The following WASF3 variants were observed in gnomAD, a reference collection of about 807,000 sequenced individuals.
WASF3 encodes actin-binding protein WASF3.
In WASF3, 11 loss-of-function variants were observed where a neutral mutation model predicts 46.6. The ratio of observed to expected loss-of-function variants is 0.24; its 90% CI spans 0.15 to 0.39. The LOEUF (loss-of-function observed/expected upper bound fraction) is 0.39, where lower values mean the gene tolerates loss of function less well. WASF3 is among the 10% of genes least tolerant of loss of function. The pLI is 1.00. For synonymous variants in WASF3, 242 were observed against 259.7 expected (o/e 0.93, Z 0.65); for missense variants, 576 against 669.8 (o/e 0.86, Z 1.55).
chr13:26,627,567 G>A (rs1349249985), intron 2 of WASF3, among the ~76,000 whole-genome samples: 1 of 152,056 alleles, frequency 6.6e-6, no homozygotes, highest in Non-Finnish European at 1.5e-5. Context: ...GGGGTGGGCT[G>A]GGGGGACGTG....
intron 7 of WASF3, among the ~76,000 whole-genome samples, chr13:26,678,296 TATAAA>T (rs1388212363): frequency 6.6e-6 from 1 of 152,166 alleles, no homozygotes; most frequent in Non-Finnish European, 1.5e-5. Context: ...ACTTTTTTAT[TATAAA>T]ATAAGACATG....
chr13:26,557,671 G>A (rs1354145774), upstream of WASF3: 2 of 160,786 alleles, frequency 1.2e-5, no homozygotes, highest in Non-Finnish European at 2.7e-5. Context: ...GGGAGGGGGC[G>A]TGGCCGCGGC....
At chr13:26,654,624 C>G (rs1882414323) in intron 3 of WASF3, among the ~76,000 whole-genome samples, 1 of 152,146 alleles carries the variant, frequency 6.6e-6, no homozygotes, top group Admixed American at 6.5e-5. Flanking sequence ...TGTCTGTTAT[C>G]TAAGTTCTTA....
At chr13:26,550,278 AAAT>A in the WASF3 span, among the ~76,000 whole-genome samples, 1 of 152,196 alleles carries the variant, frequency 6.6e-6, no homozygotes, top group Non-Finnish European at 1.5e-5. Flanking sequence ...CTGTTTGTTC[AAAT>A]AAGTGCAGTG....
intron 1 of WASF3, among the ~76,000 whole-genome samples, chr13:26,582,312 T>C (rs571043273): frequency 6.6e-6 from 1 of 152,178 alleles, no homozygotes; most frequent in South Asian, 2.1e-4. Context: ...AAATCTTGAC[T>C]CTGTTGTTTA....
intron 6 of WASF3, among the ~76,000 whole-genome samples, chr13:26,675,326 GC>G (rs1883031525): frequency 6.6e-6 from 1 of 151,872 alleles, no homozygotes. Flanking sequence ...TGAGTGCAGT[GC>G]TATCCTCCTC....
At chr13:26,657,076 G>C (rs975189794) in intron 3 of WASF3, among the ~76,000 whole-genome samples, 1 of 152,082 alleles carries the variant, frequency 6.6e-6, no homozygotes, top group Non-Finnish European at 1.5e-5. Flanking sequence ...GTTGAATTAC[G>C]ACCAGAAGGG....
At chr13:26,603,075 G>A (rs1017376266) in intron 1 of WASF3, among the ~76,000 whole-genome samples, 4 of 152,198 alleles carry the variant, frequency 2.6e-5, no homozygotes, top group Admixed American at 6.5e-5. Flanking sequence ...GGAGGTAAGA[G>A]TAACTGCTGT....
chr13:26,645,612 G>T (rs1367724225), intron 3 of WASF3, among the ~76,000 whole-genome samples: 1 of 151,976 alleles, frequency 6.6e-6, no homozygotes, highest in Non-Finnish European at 1.5e-5. Context: ...GCCGTTTTAT[G>T]GGAGTAGACA....
chr13:26,545,793 AG>A, the WASF3 span, among the ~76,000 whole-genome samples: 2 of 152,178 alleles, frequency 1.3e-5, no homozygotes, highest in African/African-American at 4.8e-5. Flanking sequence ...TTGTAGAAAC[AG>A]GGTCTCACTC....
chr13:26,660,193 GGTTTT>G (rs1882584063), intron 3 of WASF3, among the ~76,000 whole-genome samples: 6 of 34,724 alleles, frequency 1.7e-4, no homozygotes, highest in Non-Finnish European at 2.4e-4. Context: ...TTTTTTGTTT[GGTTTT>G]TTTTTTTTTT....
chr13:26,666,946 AC>A (rs1348053795), intron 4 of WASF3, among the ~76,000 whole-genome samples: 1 of 151,254 alleles, frequency 6.6e-6, no homozygotes, highest in African/African-American at 2.4e-5. Context: ...AAAGAACTTT[AC>A]CCAGCCCCAA....
intron 2 of WASF3, chr13:26,618,879 A>G (rs1191321778): frequency 1.3e-5 from 2 of 152,136 alleles, no homozygotes; most frequent in East Asian, 3.8e-4. Context: ...AGATCTTTTC[A>G]TTGTGGTTCT....
At chr13:26,642,469 T>A in intron 3 of WASF3, 66 bp downstream of exon 3, 2 of 1,500,640 alleles carry the variant, frequency 1.3e-6, no homozygotes, top group South Asian at 1.3e-5. Flanking sequence ...TTTTAATAGT[T>A]AAATGATTGT....
At chr13:26,651,363 GAAC>G (rs925249611) in intron 3 of WASF3, among the ~76,000 whole-genome samples, 4 of 151,946 alleles carry the variant, frequency 2.6e-5, no homozygotes, top group Admixed American at 2.6e-4. Context: ...TTTGCTAAAG[GAAC>G]AGAGATGAAG....
At position 26,685,542 on chromosome 13, in the gene WASF3, C is replaced by T; in HGVS notation, c.1352-146C>T. 7 of 926,678 alleles carry T rather than the reference C, an allele frequency of 7.6e-6. No homozygotes were observed. In the South Asian group the frequency reaches 1.4e-4, roughly 18 times the overall value. 57.4% of individuals were successfully genotyped at this position (926,678 alleles called of 1,614,324 possible). ...TTTTTCTCATGAAACTTTTAATATT[C>T]CCTGAGCTTTTCTCCCCTCAAATTT... On this transcript the variant is annotated intron_variant, in intron 9 of 9. Coordinates refer to ENST00000335327, the MANE Select transcript of WASF3 (RefSeq NM_006646.6).
At chr13:26,541,693 G>A in the WASF3 span, among the ~76,000 whole-genome samples, 7 of 151,862 alleles carry the variant, frequency 4.6e-5, no homozygotes, top group South Asian at 1.5e-3. Flanking sequence ...ATGTTGACCA[G>A]GCTGGTATCA....
At chr13:26,541,858 A>G in the WASF3 span, among the ~76,000 whole-genome samples, 2 of 152,036 alleles carry the variant, frequency 1.3e-5, no homozygotes, top group Admixed American at 6.5e-5. Flanking sequence ...TAAGCCTCCA[A>G]CCAGGAGAGG....
rs149967504 is a variant in WASF3, at chr13:26,558,288, G to T, written c.-109+469G>T. ...CGCTGGTTCTGGTCCAGCTCCGCGTGCCCCCCGGCCCCATTCGGCCCTCGC... is the reference window on the plus strand; with the variant it reads ...CGCTGGTTCTGGTCCAGCTCCGCGTTCCCCCCGGCCCCATTCGGCCCTCGC... On this transcript the variant is annotated intron_variant, in intron 1 of 9. Coordinates refer to ENST00000335327, the MANE Select transcript of WASF3 (RefSeq NM_006646.6). Among the ~76,000 whole-genome samples the T allele has an allele frequency of 9.3e-3, 1,416 of 152,200 alleles. 12 individuals carry two copies. The highest frequency in any genetic ancestry group is 0.017 in the Middle Eastern group (5 of 292).
Sources: allele counts gnomAD v4.1 joint callset (sites outside exome capture counted in the v4.1 genomes callset), GRCh38; gene constraint gnomAD v4.1.1; transcripts MANE v1.5; gene names NCBI Gene and HGNC (gene_info 2026-07-23, HGNC 2026-07-21).